Variants in AGBL1 observed in about 807,000 individuals in gnomAD.
AGBL1 encodes AGBL carboxypeptidase 1.
Under a neutral mutation model 118.9 loss-of-function variants are expected in AGBL1, and 130 were observed. The observed-to-expected ratio is 1.09, with a 90% confidence interval of 0.95 to 1.26. The LOEUF is 1.26. Among genes scored for constraint, AGBL1 ranks in the 50% most tolerant of loss-of-function variants. AGBL1 has a pLI of 0.00. For missense variants in AGBL1, 1,584 were observed against 1,298.1 expected (o/e 1.22, Z -3.38); for synonymous variants, 555 against 478.9 (o/e 1.16, Z -2.08).
chr15:86,193,327 A>G (rs1426940333), intron 5 of AGBL1, among the ~76,000 whole-genome samples: 1 of 152,214 alleles, frequency 6.6e-6, no homozygotes, highest in Admixed American at 6.5e-5. Context: ...GAGACCAAAG[A>G]ATATGATTAT....
intron 6 of AGBL1, among the ~76,000 whole-genome samples, chr15:86,238,828 T>G (rs1031225822): frequency 6.6e-6 from 1 of 152,168 alleles, no homozygotes; most frequent in Non-Finnish European, 1.5e-5. Context: ...TTTATTTTTA[T>G]TTTTTTGTAG....
In AGBL1 at chr15:86,828,095, T is replaced by A. The variant is rs187740189; in HGVS notation, c.3159-78992T>A. On this transcript the variant is annotated intron_variant, in intron 22 of 22. Transcript: ENST00000614907. ...AGCATGACTACAAATACATGCCACC[T>A]TGCCCAACTAATTCTAAAAAATTGT... Among the ~76,000 whole-genome samples, 998 of 151,604 alleles carry A rather than the reference T, an allele frequency of 6.6e-3. 2 individuals are homozygous for A. The highest frequency in any genetic ancestry group is 9.4e-3 in the Non-Finnish European group (635 of 67,844).
At position 86,525,496 on chromosome 15, in the gene AGBL1, A is replaced by G. The variant is rs568097943; in HGVS notation, c.2685+2557A>G. ...GGATTTCAAGTTATACTACCAGTCTATATTTACCAAATCAGCATGGCACTG... is the reference window on the plus strand; with the variant it reads ...GGATTTCAAGTTATACTACCAGTCTGTATTTACCAAATCAGCATGGCACTG... On this transcript the variant is annotated intron_variant, in intron 19 of 22. Transcript: ENST00000614907. Among the ~76,000 whole-genome samples the G allele has an allele frequency of 5.3e-4, 81 of 152,336 alleles. 1 individual carries two copies. The highest frequency in any genetic ancestry group is 4.5e-3 in the Admixed American group (69 of 15,296).
chr15:86,250,891 T>A (rs779024086), intron 7 of AGBL1, among the ~76,000 whole-genome samples: 83 of 152,184 alleles, frequency 5.5e-4, no homozygotes, highest in Non-Finnish European at 1.1e-3. Context: ...GATTTGGTGA[T>A]GTTATTTCAG....
intron 18 of AGBL1, among the ~76,000 whole-genome samples, chr15:86,424,672 G>A (rs2081841727): frequency 6.6e-6 from 1 of 152,126 alleles, no homozygotes; most frequent in Non-Finnish European, 1.5e-5. Context: ...AATCTACAAG[G>A]AACTTAAACA....
At position 86,554,345 on chromosome 15, in the gene AGBL1, TTTG is replaced by T. The variant is rs755750812; in HGVS notation, c.2818-13_2818-11del. The T allele has an allele frequency of 1.1e-5, 17 of 1,548,008 alleles. No homozygotes were observed. The highest frequency in any genetic ancestry group is 1.5e-5 in the Non-Finnish European group (17 of 1,146,550). On this transcript the variant is annotated splice_polypyrimidine_tract_variant and intron_variant, in intron 20 of 22. Coordinates refer to ENST00000614907, the MANE Select transcript of AGBL1 (RefSeq NM_001386094.1). ...ACCCACAACTAATCATCGTTTGATT[TTTG>T]TTTTTACTGTAGACTCTTCCCAAAA...
At chr15:86,882,123 G>A (rs1016080179) in intron 22 of AGBL1, among the ~76,000 whole-genome samples, 1 of 152,086 alleles carries the variant, frequency 6.6e-6, no homozygotes, top group Non-Finnish European at 1.5e-5. Context: ...AAAAATTCGC[G>A]GTCTAACACA....
intron 9 of AGBL1, among the ~76,000 whole-genome samples, chr15:86,261,948 C>T (rs573681365): frequency 2.0e-5 from 3 of 152,182 alleles, no homozygotes; most frequent in East Asian, 3.9e-4. Flanking sequence ...ATTTCTCTCC[C>T]GCCTACTTCT....
At chr15:87,017,112 G>C (rs954461754) in intron 24 of AGBL1, among the ~76,000 whole-genome samples, 6 of 152,094 alleles carry the variant, frequency 3.9e-5, no homozygotes, top group African/African-American at 1.4e-4. Context: ...CCAGCCAGTG[G>C]CAACAGGCTG....
At chr15:86,493,855 C>G (rs2082813800) in intron 18 of AGBL1, among the ~76,000 whole-genome samples, 2 of 151,990 alleles carry the variant, frequency 1.3e-5, no homozygotes, top group South Asian at 4.1e-4. Flanking sequence ...TCCCCTTGCC[C>G]ACTTCCCCCT....
At chr15:86,864,178 C>T (rs1484583641) in intron 22 of AGBL1, among the ~76,000 whole-genome samples, 1 of 152,090 alleles carries the variant, frequency 6.6e-6, no homozygotes, top group Admixed American at 6.5e-5. Flanking sequence ...CATACTTGCT[C>T]CCTAGGTCAG....
intron 18 of AGBL1, among the ~76,000 whole-genome samples, chr15:86,406,198 G>A (rs930542369): frequency 6.6e-6 from 1 of 152,218 alleles, no homozygotes; most frequent in African/African-American, 2.4e-5. Context: ...AACAGAAAGA[G>A]TGTGTTTCTT....
At chr15:86,750,000 G>T (rs1272018576) in intron 22 of AGBL1, among the ~76,000 whole-genome samples, 1 of 152,020 alleles carries the variant, frequency 6.6e-6, no homozygotes. Context: ...GCCAGGCTTT[G>T]GTATCAGGAT....
intron 22 of AGBL1, among the ~76,000 whole-genome samples, chr15:86,688,120 G>T (rs184955273): frequency 6.6e-6 from 1 of 152,140 alleles, no homozygotes; most frequent in South Asian, 2.1e-4. Flanking sequence ...AGCGCATGTC[G>T]TTGTTTCATG....
chr15:86,600,088 T>G (rs1323875522), intron 21 of AGBL1, among the ~76,000 whole-genome samples: 1 of 152,184 alleles, frequency 6.6e-6, no homozygotes, highest in Admixed American at 6.6e-5. Context: ...AAGTAATTGC[T>G]TCTTTCCAGT....
chr15:86,710,429 G>A (rs1596392982), intron 22 of AGBL1, among the ~76,000 whole-genome samples: 1 of 152,246 alleles, frequency 6.6e-6, no homozygotes, highest in South Asian at 2.1e-4. Flanking sequence ...AACCAAGGTA[G>A]TTCTATTATT....
chr15:86,692,721 C>T (rs1208009310), intron 22 of AGBL1, among the ~76,000 whole-genome samples: 2 of 152,206 alleles, frequency 1.3e-5, no homozygotes, highest in African/African-American at 2.4e-5. Flanking sequence ...GAGCAGTATA[C>T]ACGGAATCCA....
intron 18 of AGBL1, among the ~76,000 whole-genome samples, chr15:86,469,335 G>C (rs2082448095): frequency 6.6e-6 from 1 of 152,168 alleles, no homozygotes; most frequent in Admixed American, 6.5e-5. Context: ...AGACCATGTA[G>C]TATTTATATT....
At chr15:86,242,166 A>G (rs1210561727) in intron 6 of AGBL1, among the ~76,000 whole-genome samples, 1 of 152,140 alleles carries the variant, frequency 6.6e-6, no homozygotes, top group African/African-American at 2.4e-5. Context: ...ACTGTGAATC[A>G]ATTAAACCTC....
Sources: gnomAD v4.1 joint callset for allele counts (sites outside exome capture counted in the v4.1 genomes callset) on GRCh38, gnomAD v4.1.1 for gene constraint, MANE v1.5 for transcripts, NCBI Gene and HGNC (gene_info 2026-07-23, HGNC 2026-07-21) for gene names.